CSN1S1: variants seen among roughly 807,000 people sequenced by gnomAD.
CSN1S1 encodes alpha-S1-casein.
Under a neutral mutation model 49.1 loss-of-function variants are expected in CSN1S1, and 63 were observed. That is an observed-to-expected ratio of 1.28 (90% CI 1.05 to 1.58). The LOEUF (loss-of-function observed/expected upper bound fraction) is 1.58. Among genes scored for constraint, CSN1S1 ranks in the 40% most tolerant of loss-of-function variants. The pLI, the probability that CSN1S1 is intolerant of heterozygous loss-of-function variation, is 0.00. For missense variants in CSN1S1, 260 were observed against 224.7 expected, an observed-to-expected ratio of 1.16 and a Z score of -1.01; for synonymous variants, 78 against 67.1, an observed-to-expected ratio of 1.16 and a Z score of -0.79.
At chr4:69,946,000 T>G (rs933307534) in intron 15 of CSN1S1, among the ~76,000 whole-genome samples, 196 bp from the exon 16 acceptor site, 1 of 151,936 alleles carries the variant, frequency 6.6e-6, no homozygotes, top group African/African-American at 2.4e-5. Context: ...AAAATACAAT[T>G]TAGTAATAAA....
chr4:69,945,693 G>T (rs1723138878), intron 15 of CSN1S1, among the ~76,000 whole-genome samples: 1 of 151,848 alleles, frequency 6.6e-6, no homozygotes, highest in Non-Finnish European at 1.5e-5. Context: ...GGTAAGTTTG[G>T]AAATTATGTA....
At chr4:69,936,830 A>G (rs1722802540) in intron 7 of CSN1S1, among the ~76,000 whole-genome samples, 1 of 151,990 alleles carries the variant, frequency 6.6e-6, no homozygotes, top group Non-Finnish European at 1.5e-5. Context: ...ATTAGTGTGA[A>G]TGAATGAAAT....
rs1723102209 is a variant in CSN1S1 at position 69,944,850 on chromosome 4, C to T, written c.403C>T (p.Pro135Ser). ...GCTTTTCAAATGTTTTTCCCTCTAGCCTTTCCAGCAGCTCAACCAACTTGC... is the reference window on the plus strand; with the variant it reads ...GCTTTTCAAATGTTTTTCCCTCTAGTCTTTCCAGCAGCTCAACCAACTTGC... Reference protein sequence around the residue: ...RMNENSHVQVPFQQLNQLAAY... With the variant: ...RMNENSHVQVSFQQLNQLAAY... The change falls in exon 15 of 16, where the codon CCT becomes TCT. Residue 135 changes from proline to serine, a missense_variant and splice_region_variant. Transcript: ENST00000246891. The T allele has an allele frequency of 1.2e-6, 2 of 1,612,240 alleles. No individual in the cohort carries two copies. Among genetic ancestry groups the T allele is most frequent in the East Asian group, 2.2e-5 (1 of 44,830 alleles).
At chr4:69,946,007 T>C (rs1052300242) in intron 15 of CSN1S1, among the ~76,000 whole-genome samples, 189 bp from the exon 16 acceptor site, 1 of 151,976 alleles carries the variant, frequency 6.6e-6, no homozygotes, top group African/African-American at 2.4e-5. Flanking sequence ...AATTTAGTAA[T>C]AAAAATGTCT....
intron 5 of CSN1S1, 90 bp downstream of exon 5, chr4:69,936,039 G>T: frequency 6.0e-6 from 6 of 1,006,606 alleles, no homozygotes. Context: ...CTAAAACAAA[G>T]TGAAAGTCAA....
chr4:69,942,123 T>C, intron 13 of CSN1S1, 60 bp downstream of exon 13: 1 of 962,504 alleles, frequency 1.0e-6, no homozygotes, highest in Non-Finnish European at 1.5e-6. Flanking sequence ...TATGTTTTTA[T>C]AATGCATGAT....
intron 8 of CSN1S1, among the ~76,000 whole-genome samples, chr4:69,937,543 G>T (rs1017669657): frequency 2.0e-5 from 3 of 151,506 alleles, no homozygotes; most frequent in African/African-American, 7.3e-5. Context: ...AAAAAGTCAT[G>T]CTGGATAAAG....
intron 14 of CSN1S1, among the ~76,000 whole-genome samples, chr4:69,943,792 G>A (rs1213956589): frequency 1.3e-5 from 2 of 151,902 alleles, no homozygotes; most frequent in African/African-American, 2.4e-5. Flanking sequence ...ACAAGAGAGG[G>A]TCAAACTCAG....
intron 14 of CSN1S1, among the ~76,000 whole-genome samples, chr4:69,944,222 T>C (rs1723076109): frequency 6.6e-6 from 1 of 152,026 alleles, no homozygotes; most frequent in East Asian, 1.9e-4. Flanking sequence ...TATGCAACTG[T>C]TTCTATGAAC....
chr4:69,933,684 AT>A (rs1196235235), intron 2 of CSN1S1, among the ~76,000 whole-genome samples: 6 of 151,994 alleles, frequency 3.9e-5, no homozygotes, highest in Non-Finnish European at 5.9e-5. Context: ...AGGGTTCTTT[AT>A]TTGTTTATGT....
In CSN1S1 at chr4:69,934,309, G is replaced by C. The variant is rs1224831455; in HGVS notation, c.84+65G>C. 4 of 1,449,726 alleles carry C rather than the reference G, an allele frequency of 2.8e-6. No homozygotes were observed. The Admixed American group carries it at 5.5e-5, about 20-fold the overall frequency. The allele number at this position is 1,449,726 out of a possible 1,614,324, so 89.8% of individuals were successfully genotyped here. Reference sequence around the variant, plus strand: ...TGTGAAGCACAAACTCCAAATGTGCGCTTCCCTTCTCTATGAAACAGCCTG... The same window carrying C: ...TGTGAAGCACAAACTCCAAATGTGCCCTTCCCTTCTCTATGAAACAGCCTG... On this transcript the variant is annotated intron_variant, in intron 3 of 15. Coordinates refer to ENST00000246891, the MANE Select transcript of CSN1S1 (RefSeq NM_001890.2).
At chr4:69,940,941 C>A (rs1722952082) in intron 11 of CSN1S1, 78 bp from the exon 12 acceptor site, 2 of 723,318 alleles carry the variant, frequency 2.8e-6, no homozygotes, top group Non-Finnish European at 4.6e-6. Flanking sequence ...TTGTTAGATT[C>A]TTGTTTCATC....
intron 1 of CSN1S1, among the ~76,000 whole-genome samples, chr4:69,931,928 A>G (rs1274802108): frequency 6.6e-6 from 1 of 151,914 alleles, no homozygotes; most frequent in Non-Finnish European, 1.5e-5. Flanking sequence ...ATCTTTATAT[A>G]TTTATGTCAT....
Position 69,934,680 on chromosome 4 carries a change from T to A in CSN1S1, c.85-10T>A, listed in dbSNP as rs762183567. ...GAATAATACCATTTAAAAATTATTA[T>A]TTTTTACAGAATCCATCAGAGAGCA... On this transcript the variant is annotated splice_polypyrimidine_tract_variant and intron_variant, in intron 3 of 15. Coordinates refer to ENST00000246891, the MANE Select transcript of CSN1S1 (RefSeq NM_001890.2). 4 of 1,605,084 alleles carry A rather than the reference T, an allele frequency of 2.5e-6. No individual in the cohort carries two copies. Among genetic ancestry groups the A allele is most frequent in the Non-Finnish European group, 2.6e-6 (3 of 1,172,980 alleles).
At chr4:69,940,542 C>G (rs1052521029) in intron 11 of CSN1S1, among the ~76,000 whole-genome samples, 15 of 151,688 alleles carry the variant, frequency 9.9e-5, no homozygotes, top group African/African-American at 3.6e-4. Context: ...AAGTCTATAA[C>G]TTAATCCTAA....
chr4:69,936,598 T>C lies in CSN1S1; in HGVS notation c.186T>C (p.Asp62=), dbSNP rs1271592520. ...QRNILREKQT[D]EIKDTRNEST... The stretch of plus-strand genomic sequence containing the variant: ...ACATTCTGAGAGAAAAACAGACTGA[T>C]GAAATCAAGGTACCAAAGTTTTTCT... The change falls in exon 7 of 16, where the codon GAT becomes GAC. Residue 62 remains aspartate (D), a synonymous_variant. Transcript: ENST00000246891. 6.2e-7 allele frequency: 1 copy of C among 1,605,144 alleles called. No individual in the cohort carries two copies. Among genetic ancestry groups the C allele is most frequent in the East Asian group, 2.2e-5 (1 of 44,584 alleles).
At chr4:69,941,829 A>G (rs1162682595) in intron 12 of CSN1S1, among the ~76,000 whole-genome samples, 1 of 151,840 alleles carries the variant, frequency 6.6e-6, no homozygotes, top group East Asian at 1.9e-4. Context: ...AAATTACCTG[A>G]ATAATATATT....
At chr4:69,937,886 C>T in intron 9 of CSN1S1, 63 bp downstream of exon 9, 1 of 1,129,316 alleles carries the variant, frequency 8.9e-7, no homozygotes, top group Non-Finnish European at 1.2e-6. Context: ...ATGCAGCATG[C>T]TTCATTTTAA....
chr4:69,941,917 G>A (rs1722980847), intron 12 of CSN1S1, 129 bp from the exon 13 acceptor site: 2 of 504,542 alleles, frequency 4.0e-6, no homozygotes, highest in South Asian at 1.0e-4. Flanking sequence ...GAGAGATTTT[G>A]TAGTATTTTA....
Sources: gnomAD v4.1 joint callset for allele counts (sites outside exome capture counted in the v4.1 genomes callset) on GRCh38, gnomAD v4.1.1 for gene constraint, MANE v1.5 for transcripts, NCBI Gene and HGNC (gene_info 2026-07-23, HGNC 2026-07-21) for gene names.